Variants in C12orf56 observed in about 807,000 individuals in gnomAD.
C12orf56 encodes the protein uncharacterized protein C12orf56.
C12orf56 carries 71 observed loss-of-function variants against 69.9 expected under a neutral mutation model. That is an observed-to-expected ratio of 1.02 (90% CI 0.84 to 1.24). The LOEUF is 1.24. Ranked by LOEUF, C12orf56 falls within the 50% of genes most tolerant of loss-of-function variation. C12orf56 has a pLI of 0.00. For missense variants in C12orf56, 732 were observed against 738.5 expected (o/e 0.99, Z 0.10); for synonymous variants, 276 against 274.1 (o/e 1.01, Z -0.07).
chr12:64,364,098 A>G (rs1478619386), intron 1 of C12orf56, among the ~76,000 whole-genome samples: 1 of 151,886 alleles, frequency 6.6e-6, no homozygotes, highest in Non-Finnish European at 1.5e-5. Context: ...AGATCACTTG[A>G]ACCCAGGAGT....
chr12:64,331,168 G>C (rs1465260505), intron 2 of C12orf56, 136 bp from the exon 3 acceptor site: 1 of 747,830 alleles, frequency 1.3e-6, no homozygotes, highest in Non-Finnish European at 2.1e-6. Context: ...TTGTAAGCTG[G>C]GTAGCACGAT....
intron 1 of C12orf56, among the ~76,000 whole-genome samples, chr12:64,380,963 G>A (rs1389652685): frequency 1.3e-5 from 2 of 152,188 alleles, no homozygotes; most frequent in East Asian, 3.8e-4. Flanking sequence ...CCACCCAACA[G>A]GTTCATGTTG....
At chr12:64,311,073 A>G (rs1397351752) in intron 5 of C12orf56, among the ~76,000 whole-genome samples, 1 of 152,108 alleles carries the variant, frequency 6.6e-6, no homozygotes, top group East Asian at 1.9e-4. Context: ...GCTGCATAGT[A>G]TTCCATGGTG....
chr12:64,340,299 G>A lies in C12orf56; in HGVS notation c.416-9267C>T, dbSNP rs544172335. Among the ~76,000 whole-genome samples, 6 of 152,128 alleles carry A rather than the reference G, an allele frequency of 3.9e-5. No individual in the cohort carries two copies. The East Asian group carries it at 9.7e-4, about 25-fold the overall frequency. On this transcript the variant is annotated intron_variant, in intron 2 of 12. Coordinates refer to ENST00000543942, the MANE Select transcript of C12orf56 (RefSeq NM_001170633.2). Reference sequence around the variant, plus strand: ...AATAAGCGTGGGTCTGCCTTCCCCAGCCCACTGACTCAAATGTTAATTTCC... The same window carrying A: ...AATAAGCGTGGGTCTGCCTTCCCCAACCCACTGACTCAAATGTTAATTTCC...
At chr12:64,338,761 CT>C in intron 2 of C12orf56, 1 of 1,432,508 alleles carries the variant, frequency 7.0e-7, no homozygotes, top group Admixed American at 1.7e-5. Flanking sequence ...TATGCTTTAT[CT>C]GCTTTTGCAT....
At chr12:64,354,852 G>GGA in intron 1 of C12orf56, among the ~76,000 whole-genome samples, 1 of 150,052 alleles carries the variant, frequency 6.7e-6, no homozygotes, top group African/African-American at 2.4e-5. Flanking sequence ...GCTGAGGCCA[G>GGA]TGGATCGCCT....
chr12:64,338,227 C>T, intron 2 of C12orf56: 1 of 568,644 alleles, frequency 1.8e-6, no homozygotes, highest in South Asian at 1.4e-5. Flanking sequence ...CGACTTCTGG[C>T]ATCATCTGCT....
intron 7 of C12orf56, 46 bp from the exon 8 acceptor site, chr12:64,284,799 A>G: frequency 7.1e-7 from 1 of 1,411,592 alleles, no homozygotes; most frequent in Non-Finnish European, 9.7e-7. Flanking sequence ...TGATTTCATT[A>G]GAAGCTCAGA....
chr12:64,270,215 G>A (rs759269690), intron 12 of C12orf56, among the ~76,000 whole-genome samples: 7 of 151,858 alleles, frequency 4.6e-5, no homozygotes, highest in Admixed American at 6.6e-5. Context: ...GACCAACATG[G>A]TGAAACCCTG....
At chr12:64,341,841 T>C (rs2039079052) in intron 2 of C12orf56, among the ~76,000 whole-genome samples, 1 of 152,118 alleles carries the variant, frequency 6.6e-6, no homozygotes, top group Non-Finnish European at 1.5e-5. Context: ...TGCTGGCAAA[T>C]TGGGCACTCA....
chr12:64,270,160 G>A (rs1338212734), intron 12 of C12orf56, among the ~76,000 whole-genome samples: 1 of 152,072 alleles, frequency 6.6e-6, no homozygotes, highest in African/African-American at 2.4e-5. Flanking sequence ...CACTTTGGGA[G>A]GCTGAGGTGG....
At chr12:64,346,886 G>A (rs2039149740) in intron 2 of C12orf56, among the ~76,000 whole-genome samples, 1 of 152,072 alleles carries the variant, frequency 6.6e-6, no homozygotes, top group Non-Finnish European at 1.5e-5. Context: ...ACTCCAGTCT[G>A]GGCAACAAAT....
intron 3 of C12orf56, among the ~76,000 whole-genome samples, chr12:64,321,468 C>T (rs1239461379): frequency 1.3e-5 from 2 of 152,064 alleles, no homozygotes; most frequent in Non-Finnish European, 2.9e-5. Flanking sequence ...AGCCACTGTT[C>T]CCAGCTTGAA....
At chr12:64,367,287 A>ACATACAGTTTATATAT (rs2039508131) in intron 1 of C12orf56, among the ~76,000 whole-genome samples, 1 of 141,802 alleles carries the variant, frequency 7.1e-6, no homozygotes, top group African/African-American at 2.6e-5. Context: ...ATTATATATA[A>ACATACAGTTTATATAT]TATACAGTTT....
intron 1 of C12orf56, among the ~76,000 whole-genome samples, chr12:64,375,392 TAGAGGA>T (rs1196706142): frequency 6.6e-6 from 1 of 152,184 alleles, no homozygotes; most frequent in Non-Finnish European, 1.5e-5. Flanking sequence ...GAAATGAGGT[TAGAGGA>T]AAAGGAAACT....
chr12:64,369,295 T>G (rs907522250), intron 1 of C12orf56, among the ~76,000 whole-genome samples: 2 of 152,160 alleles, frequency 1.3e-5, no homozygotes, highest in African/African-American at 4.8e-5. Context: ...CCTCCCGGGT[T>G]CAAATGATTC....
At chr12:64,377,943 C>T (rs1415474391) in intron 1 of C12orf56, among the ~76,000 whole-genome samples, 1 of 152,176 alleles carries the variant, frequency 6.6e-6, no homozygotes, top group Non-Finnish European at 1.5e-5. Context: ...GATCTAAATT[C>T]AAATTCTGGT....
Position 64,312,661 on chromosome 12 carries a change from T to C in C12orf56, c.968+18A>G. Reference sequence around the variant, plus strand: ...AAAAATTCCCCATGCAACTCTATCATACATCATCACTTCTTACCTATATGG... The same window carrying C: ...AAAAATTCCCCATGCAACTCTATCACACATCATCACTTCTTACCTATATGG... On this transcript the variant is annotated intron_variant, in intron 5 of 12. Transcript: ENST00000543942. The C allele has an allele frequency of 6.6e-7, 1 of 1,515,162 alleles. No homozygotes were observed. The highest frequency in any genetic ancestry group is 8.9e-7 in the Non-Finnish European group (1 of 1,127,246). 93.9% of individuals were successfully genotyped at this position (1,515,162 alleles called of 1,614,324 possible).
At chr12:64,282,933 C>T (rs1208717949) in intron 8 of C12orf56, among the ~76,000 whole-genome samples, 4 of 151,402 alleles carry the variant, frequency 2.6e-5, no homozygotes, top group African/African-American at 4.9e-5. Flanking sequence ...CACCTGAGGT[C>T]GGGGTTTGAG....
Sources: gnomAD v4.1 joint callset for allele counts (sites outside exome capture counted in the v4.1 genomes callset) on GRCh38, gnomAD v4.1.1 for gene constraint, MANE v1.5 for transcripts, NCBI Gene and HGNC (gene_info 2026-07-23, HGNC 2026-07-21) for gene names.